TRANK1: variants seen among roughly 807,000 people sequenced by gnomAD.
The protein encoded by TRANK1 is tetratricopeptide repeat and ankyrin repeat containing 1, also known as TPR and ankyrin repeat-containing protein 1.
A neutral mutation model predicts 266.0 loss-of-function variants in TRANK1; 198 were observed. The ratio of observed to expected loss-of-function variants is 0.74; its 90% CI spans 0.66 to 0.84. The LOEUF (loss-of-function observed/expected upper bound fraction) is 0.84. TRANK1 is among the 40% of genes least tolerant of loss of function. The probability of loss-of-function intolerance (pLI) is 0.00; values close to 1 mark genes in which losing one functional copy is unlikely to be tolerated. For missense variants in TRANK1, 3,326 were observed against 3,634.6 expected (o/e 0.92, Z 2.18); for synonymous variants, 1,396 against 1,384.1 (o/e 1.01, Z -0.19).
chr3:36,837,415 C>G (rs1402191384), intron 20 of TRANK1, among the ~76,000 whole-genome samples: 2 of 152,198 alleles, frequency 1.3e-5, no homozygotes, highest in Non-Finnish European at 2.9e-5. Context: ...CCCACTCCTA[C>G]CCCTCTCAAT....
chr3:36,890,748 GGAAAGCCAC>G (rs1250149476), intron 7 of TRANK1, among the ~76,000 whole-genome samples: 2 of 152,240 alleles, frequency 1.3e-5, no homozygotes, highest in African/African-American at 4.8e-5. Context: ...CTGAGATCTA[GGAAAGCCAC>G]GCACCTCTGC....
chr3:36,878,591 C>G (rs1357816009), intron 8 of TRANK1, among the ~76,000 whole-genome samples: 1 of 152,044 alleles, frequency 6.6e-6, no homozygotes, highest in Non-Finnish European at 1.5e-5. Flanking sequence ...AGGGAAACAA[C>G]AGACACTAGG....
intron 9 of TRANK1, among the ~76,000 whole-genome samples, chr3:36,869,904 T>C (rs1258425048): frequency 6.6e-6 from 1 of 152,250 alleles, no homozygotes; most frequent in Non-Finnish European, 1.5e-5. Context: ...AGGAAAATTA[T>C]ACTTCATGGA....
intron 1 of TRANK1, among the ~76,000 whole-genome samples, chr3:36,922,343 C>T (rs770359493): frequency 3.3e-5 from 5 of 152,110 alleles, no homozygotes; most frequent in South Asian, 2.1e-4. Flanking sequence ...CAGTGGCTCA[C>T]GCCTGTAATC....
intron 1 of TRANK1, among the ~76,000 whole-genome samples, chr3:36,929,861 G>A (rs187378874): frequency 2.6e-5 from 4 of 151,862 alleles, no homozygotes; most frequent in African/African-American, 7.3e-5. Context: ...ATGGAAAGAC[G>A]AGGGCAAGGG....
At chr3:36,936,506 A>G (rs1394791231) in intron 1 of TRANK1, among the ~76,000 whole-genome samples, 3 of 152,072 alleles carry the variant, frequency 2.0e-5, no homozygotes, top group Non-Finnish European at 4.4e-5. Flanking sequence ...AAAAAAAAAA[A>G]AGGAAATTGA....
intron 9 of TRANK1, among the ~76,000 whole-genome samples, chr3:36,867,093 T>C (rs1271308036): frequency 6.6e-6 from 1 of 152,084 alleles, no homozygotes; most frequent in Non-Finnish European, 1.5e-5. Flanking sequence ...ACTGAAATTA[T>C]GTGTAGTAAA....
At position 36,874,251 on chromosome 3, in the gene TRANK1, G is replaced by T; in HGVS notation, c.953C>A (p.Pro318His). The change falls in exon 9 of 24, where the codon CCC becomes CAC. Residue 318 changes from proline to histidine, a missense_variant. Coordinates refer to ENST00000645898, the MANE Select transcript of TRANK1 (RefSeq NM_001329998.2). ...CCGAGACTGTCGATCCAGCAAAGTG[G>T]GATCTGCCCCAAAGCGCAGGAGCAT... ...VQMLLRFGADPTLLDRQSRSV... is the reference protein window; with the variant it reads ...VQMLLRFGADHTLLDRQSRSV... 6.5e-7 allele frequency: 1 copy of T among 1,537,112 alleles called. No homozygotes were observed. The highest frequency in any genetic ancestry group is 8.7e-7 in the Non-Finnish European group (1 of 1,146,864).
chr3:36,932,478 G>A (rs141723508), intron 1 of TRANK1, among the ~76,000 whole-genome samples: 3 of 152,120 alleles, frequency 2.0e-5, no homozygotes, highest in African/African-American at 4.8e-5. Flanking sequence ...CAGGAGAATC[G>A]CTTGAACCTG....
chr3:36,921,648 A>G (rs1394442173), intron 1 of TRANK1, among the ~76,000 whole-genome samples: 1 of 152,142 alleles, frequency 6.6e-6, no homozygotes, highest in African/African-American at 2.4e-5. Context: ...CTTTCATAAA[A>G]CTTTCCCAAA....
chr3:36,872,904 A>G (rs142601633), intron 9 of TRANK1, among the ~76,000 whole-genome samples: 2 of 152,288 alleles, frequency 1.3e-5, no homozygotes, highest in East Asian at 3.9e-4. Flanking sequence ...AAATTGCAGG[A>G]CTCCGAGGAC....
In TRANK1 at chr3:36,833,870, A is replaced by G. The variant is rs1232278128; in HGVS notation, c.5713T>C (p.Tyr1905His). 2.5e-6 allele frequency: 4 copies of G among 1,613,784 alleles called. No individual in the cohort carries two copies. The highest frequency in any genetic ancestry group is 3.4e-6 in the Non-Finnish European group (4 of 1,179,882). The change falls in exon 22 of 24, where the codon TAT (tyrosine) becomes CAT (histidine). Residue 1905 changes from tyrosine to histidine, a missense_variant. Tyr to His is a moderately conservative substitution (Grantham distance 83, BLOSUM62 2). Coordinates refer to ENST00000645898, the MANE Select transcript of TRANK1 (RefSeq NM_001329998.2). ...TKTLPISKLS[Y>H]SASQFYLEAA... ...TCCAAGTAAAACTGACTGGCAGAAT[A>G]GGAGAGCTTGGAAATGGGAAGGGTC...
chr3:36,930,778 A>T (rs1323717404), intron 1 of TRANK1, among the ~76,000 whole-genome samples: 1 of 152,208 alleles, frequency 6.6e-6, no homozygotes, highest in Non-Finnish European at 1.5e-5. Context: ...ATTGCCAAAA[A>T]AAGAGAGGGG....
chr3:36,908,857 CAG>C lies in TRANK1; in HGVS notation c.24-405_24-404del, dbSNP rs2080011964. 2.6e-5 allele frequency among the ~76,000 whole-genome samples: 4 copies of C among 152,198 alleles called. No individual in the cohort carries two copies. The South Asian group carries it at 8.3e-4, about 32-fold the overall frequency. On this transcript the variant is annotated intron_variant, in intron 1 of 23. Coordinates refer to ENST00000645898, the MANE Select transcript of TRANK1 (RefSeq NM_001329998.2). The stretch of plus-strand genomic sequence containing the variant: ...CTGTTCAGATGAGGAAACTGAGGCT[CAG>C]AGGTTCAAGTCACTTGCCTAAAAAT...
At chr3:36,899,286 T>C in intron 3 of TRANK1, 27 bp from the exon 4 acceptor site, 1 of 1,533,160 alleles carries the variant, frequency 6.5e-7, no homozygotes. Flanking sequence ...AGCAAAACTG[T>C]CATGTACCAC....
At position 36,855,162 on chromosome 3, in the gene TRANK1, G is replaced by T. The variant is rs9818599; in HGVS notation, c.4549+11C>A. ...GCACCCCCAGTAGGCAAACCCAAGA[G>T]CTGGACTTACCTGAGTGGGACCTGT... On this transcript the variant is annotated intron_variant, in intron 13 of 23. Coordinates refer to ENST00000645898, the MANE Select transcript of TRANK1 (RefSeq NM_001329998.2). The T allele has an allele frequency of 1.3e-6, 2 of 1,598,904 alleles. No homozygotes were observed. Among genetic ancestry groups the T allele is most frequent in the Admixed American group, 1.7e-5 (1 of 59,510 alleles).
Position 36,852,326 on chromosome 3 carries a change from A to G in TRANK1, c.4569T>C (p.Ser1523=), listed in dbSNP as rs1206091624. The change falls in exon 14 of 24, where the codon TCT becomes TCC. Residue 1523 remains serine (S), a synonymous_variant. Transcript: ENST00000645898. ...AGAACTGAAGTAAATCCACCACTCCAGATGCCAGATTGAGGATTCCTGGAA... is the reference window on the plus strand; with the variant it reads ...AGAACTGAAGTAAATCCACCACTCCGGATGCCAGATTGAGGATTCCTGGAA... ...RSHSGILNLA[S]GVVDLLQFYF... 11 of 1,583,312 alleles carry G rather than the reference A, an allele frequency of 6.9e-6. No individual in the cohort carries two copies. Among genetic ancestry groups the G allele is most frequent in the Non-Finnish European group, 9.4e-6 (11 of 1,169,682 alleles).
chr3:36,855,528 A>T lies in TRANK1; in HGVS notation c.4194T>A (p.Tyr1398Ter). ...RSEIYSLFSL[Y>*]QQIRSQKGYF... ...AACCTTTCTGGGACCTGATTTGCTG[A>T]TACAGACTGAAGAGGCTGTAGATCT... Residue 1398 changes from tyrosine to a stop codon, truncating the protein, a stop_gained, in exon 13 of 24, where the codon TAT becomes TAA. Transcript: ENST00000645898. LOFTEE classifies it high-confidence loss of function. The T allele has an allele frequency of 6.2e-7, 1 of 1,613,956 alleles. No individual in the cohort carries two copies. The highest frequency in any genetic ancestry group is 2.2e-5 in the East Asian group (1 of 44,870).
rs1309602166 is a variant in TRANK1, at chr3:36,834,606, G to A, written c.5663+156C>T. ...GAAAATAGAGTCCTGCTCTCAAAGA[G>A]CTGCTGACCCAGCACTGAGGCCATC... On this transcript the variant is annotated intron_variant, in intron 21 of 23. Transcript: ENST00000645898. 6.9e-6 allele frequency: 5 copies of A among 726,832 alleles called. No homozygotes were observed. The Admixed American group carries it at 1.3e-4, about 19-fold the overall frequency. 45.0% of individuals were successfully genotyped at this position (726,832 alleles called of 1,614,324 possible).
Sources: gnomAD v4.1 joint callset for allele counts (sites outside exome capture counted in the v4.1 genomes callset) on GRCh38, gnomAD v4.1.1 for gene constraint, MANE v1.5 for transcripts, NCBI Gene and HGNC (gene_info 2026-07-23, HGNC 2026-07-21) for gene names.